The following ANK3 variants were observed in gnomAD, a reference collection of about 807,000 sequenced individuals.
The protein encoded by ANK3 is ankyrin 3.
Under a neutral mutation model 370.9 loss-of-function variants are expected in ANK3, and 57 were observed. That is an observed-to-expected ratio of 0.15 (90% CI 0.12 to 0.19). The LOEUF (loss-of-function observed/expected upper bound fraction) is 0.19. Ranked by LOEUF, ANK3 falls within the 10% of genes least tolerant of loss-of-function variation. ANK3 has a pLI of 1.00. For synonymous variants in ANK3, 1,929 were observed against 1,946.3 expected, an observed-to-expected ratio of 0.99 and a Z score of 0.23; for missense variants, 4,439 against 5,302.1, an observed-to-expected ratio of 0.84 and a Z score of 5.06.
intron 25 of ANK3, among the ~76,000 whole-genome samples, chr10:60,118,128 G>C (rs1233382191): frequency 2.0e-5 from 3 of 152,192 alleles, no homozygotes; most frequent in Non-Finnish European, 4.4e-5. Flanking sequence ...TCTCTGGAAA[G>C]CAGAACTTGG....
At chr10:60,162,947 C>G (rs369815745) in intron 23 of ANK3, among the ~76,000 whole-genome samples, 23 of 152,248 alleles carry the variant, frequency 1.5e-4, no homozygotes, top group African/African-American at 5.3e-4. Flanking sequence ...TTTTATACCC[C>G]CCTGCCCCAA....
intron 28 of ANK3, among the ~76,000 whole-genome samples, chr10:60,091,821 C>T (rs1178467772): frequency 6.6e-6 from 1 of 151,798 alleles, no homozygotes; most frequent in Non-Finnish European, 1.5e-5. Context: ...AGCTCTGCCT[C>T]CCGGGTTCAA....
At chr10:60,400,405 A>G (rs2063329899) in intron 2 of ANK3, among the ~76,000 whole-genome samples, 1 of 152,252 alleles carries the variant, frequency 6.6e-6, no homozygotes, top group South Asian at 2.1e-4. Flanking sequence ...CAAATAAAAA[A>G]GAAATCATGC....
At chr10:60,580,161 C>G (rs530981916) in intron 2 of ANK3, among the ~76,000 whole-genome samples, 1 of 152,282 alleles carries the variant, frequency 6.6e-6, no homozygotes, top group Admixed American at 6.5e-5. Context: ...ACGTCCATTA[C>G]TTATTTTCTA....
At chr10:60,508,384 C>T (rs966522819) in intron 2 of ANK3, 12 of 152,520 alleles carry the variant, frequency 7.9e-5, no homozygotes, top group Non-Finnish European at 1.0e-4. Flanking sequence ...CCAAGAGAGC[C>T]GCTTTTGGAG....
intron 1 of ANK3, among the ~76,000 whole-genome samples, chr10:60,353,027 C>T (rs540272766): frequency 5.1e-4 from 77 of 152,056 alleles, no homozygotes; most frequent in Non-Finnish European, 9.6e-4. Flanking sequence ...TCTGTCACCC[C>T]GGCTGGAGTG....
chr10:60,612,016 C>A (rs556245866), intron 2 of ANK3, among the ~76,000 whole-genome samples: 2 of 152,156 alleles, frequency 1.3e-5, no homozygotes, highest in African/African-American at 4.8e-5. Context: ...TCAATTTGTA[C>A]CCTATGAAGT....
chr10:60,112,643 T>C (rs2092798966), intron 26 of ANK3, among the ~76,000 whole-genome samples: 1 of 152,216 alleles, frequency 6.6e-6, no homozygotes, highest in Non-Finnish European at 1.5e-5. Flanking sequence ...TCTGATTTTT[T>C]ATTTGTAAAA....
At chr10:60,463,532 T>C (rs2133062227) in intron 2 of ANK3, among the ~76,000 whole-genome samples, 1 of 152,272 alleles carries the variant, frequency 6.6e-6, no homozygotes, top group East Asian at 1.9e-4. Context: ...TGCATTTCCC[T>C]ATCTTTTCCA....
At chr10:60,353,890 A>G (rs1352822713) in intron 1 of ANK3, among the ~76,000 whole-genome samples, 5 of 152,234 alleles carry the variant, frequency 3.3e-5, no homozygotes, top group Non-Finnish European at 4.4e-5. Context: ...AGTTGTCAGC[A>G]GGCAGGGCCA....
Position 60,563,260 on chromosome 10 carries a change from C to T in ANK3, c.96+51926G>A, listed in dbSNP as rs116691507. Among the ~76,000 whole-genome samples the T allele has an allele frequency of 7.9e-3, 1,203 of 152,222 alleles. 14 individuals are homozygous for T. The highest frequency in any genetic ancestry group is 0.028 in the African/African-American group (1,155 of 41,512). On this transcript the variant is annotated intron_variant, in intron 2 of 43. Transcript: ENST00000373827. ...TTTTCCTACCAAACTGAAAACTGCA[C>T]TACAGACCTTTGCTATAGTGCTTGG... is the stretch of plus-strand genomic sequence containing the variant.
chr10:60,343,913 G>A (rs1308647056), intron 1 of ANK3, among the ~76,000 whole-genome samples: 2 of 152,224 alleles, frequency 1.3e-5, no homozygotes, highest in Non-Finnish European at 2.9e-5. Context: ...AAGTGATGCT[G>A]ATGTAGTTAA....
At chr10:60,132,668 G>C (rs541159982) in intron 25 of ANK3, among the ~76,000 whole-genome samples, 47 of 151,488 alleles carry the variant, frequency 3.1e-4, no homozygotes, top group Middle Eastern at 3.4e-3. Flanking sequence ...CCAGGCTGGA[G>C]TACAGTGGTG....
At chr10:60,567,968 A>C (rs1277436977) in intron 2 of ANK3, among the ~76,000 whole-genome samples, 2 of 152,244 alleles carry the variant, frequency 1.3e-5, no homozygotes, top group African/African-American at 4.8e-5. Flanking sequence ...GCCTCATGAT[A>C]AAACTTGAAT....
intron 8 of ANK3, among the ~76,000 whole-genome samples, chr10:60,217,071 T>C (rs113968206): frequency 0.041 from 6,251 of 152,160 alleles, 398 homozygotes; most frequent in African/African-American, 0.14. Context: ...TTATAGTATT[T>C]GCTGATAGTA....
intron 7 of ANK3, among the ~76,000 whole-genome samples, chr10:60,237,256 C>T (rs754933051): frequency 2.0e-5 from 3 of 152,076 alleles, no homozygotes; most frequent in African/African-American, 7.2e-5. Context: ...CTCTAGTGAC[C>T]CAAGCGGCAC....
intron 1 of ANK3, among the ~76,000 whole-genome samples, chr10:60,314,486 T>A (rs1325066532): frequency 6.6e-6 from 1 of 152,298 alleles, no homozygotes; most frequent in East Asian, 1.9e-4. Flanking sequence ...GAGCCAGGTC[T>A]AGGCCAGACA....
intron 36 of ANK3, among the ~76,000 whole-genome samples, chr10:60,077,662 C>T (rs548320963): frequency 6.6e-6 from 1 of 152,116 alleles, no homozygotes; most frequent in Non-Finnish European, 1.5e-5. Flanking sequence ...TTTTTCATAA[C>T]CTAATCTACA....
intron 8 of ANK3, among the ~76,000 whole-genome samples, chr10:60,225,401 T>C (rs1347072051): frequency 6.6e-6 from 1 of 152,228 alleles, no homozygotes; most frequent in African/African-American, 2.4e-5. Context: ...AAAGCATCAG[T>C]AGCTACATTT....
Sources: gnomAD v4.1 joint callset for allele counts (sites outside exome capture counted in the v4.1 genomes callset) on GRCh38, gnomAD v4.1.1 for gene constraint, MANE v1.5 for transcripts, NCBI Gene and HGNC (gene_info 2026-07-23, HGNC 2026-07-21) for gene names.